KIF20B: variants seen among roughly 807,000 people sequenced by gnomAD.
KIF20B encodes kinesin family member 20B, also known as kinesin-like protein KIF20B.
A neutral mutation model predicts 232.5 loss-of-function variants in KIF20B; 188 were observed. The ratio of observed to expected loss-of-function variants is 0.81; its 90% CI spans 0.72 to 0.91. KIF20B has a LOEUF of 0.91. KIF20B is among the 40% of genes least tolerant of loss of function. KIF20B has a pLI of 0.00. For missense variants in KIF20B, 2,154 were observed against 2,055.9 expected, an observed-to-expected ratio of 1.05 and a Z score of -0.92; for synonymous variants, 712 against 683.0, an observed-to-expected ratio of 1.04 and a Z score of -0.66.
intron 18 of KIF20B, among the ~76,000 whole-genome samples, chr10:89,732,304 G>A (rs200202123): frequency 1.3e-5 from 2 of 152,128 alleles, no homozygotes; most frequent in South Asian, 2.1e-4. Context: ...TTAATTTTTT[G>A]TAGAGACGGG....
Position 89,730,113 on chromosome 10 carries a change from A to T in KIF20B, c.2391+866A>T, listed in dbSNP as rs560648118. Reference sequence around the variant, plus strand: ...GAACTTTAGATGGGCATTTGATACCACAGGGGTAAATGAGGAGCATTCTAG... The same window carrying T: ...GAACTTTAGATGGGCATTTGATACCTCAGGGGTAAATGAGGAGCATTCTAG... On this transcript the variant is annotated intron_variant, in intron 18 of 32. Coordinates refer to ENST00000371728, the MANE Select transcript of KIF20B (RefSeq NM_001284259.2). 9.2e-5 allele frequency among the ~76,000 whole-genome samples: 14 copies of T among 152,262 alleles called. No individual in the cohort carries two copies. The South Asian group carries it at 2.9e-3, about 32-fold the overall frequency.
intron 13 of KIF20B, among the ~76,000 whole-genome samples, chr10:89,720,206 T>G (rs1016011014): frequency 2.0e-5 from 3 of 152,248 alleles, no homozygotes; most frequent in African/African-American, 7.2e-5. Context: ...ATTGTGTTTC[T>G]TTAATCATTT....
chr10:89,768,342 A>G lies in KIF20B; in HGVS notation c.5042A>G (p.Lys1681Arg), dbSNP rs1373765390. ...KKNATPRTNL[K>R]FPISDDRNSS... The stretch of plus-strand genomic sequence containing the variant: ...AATGCTACACCCAGAACTAATTTGA[A>G]ATTTCCTATTTCAGATGATAGAAAT... The change falls in exon 30 of 33, where the codon AAA (lysine) becomes AGA (arginine). Residue 1681 changes from lysine (K) to arginine (R), a missense_variant. Physicochemically the swap from Lys to Arg is conservative, Grantham distance 26. Transcript: ENST00000371728. 9 of 1,594,480 alleles carry G rather than the reference A, an allele frequency of 5.6e-6. No individual in the cohort carries two copies. The highest frequency in any genetic ancestry group is 1.4e-5 in the African/African-American group (1 of 73,656).
intron 4 of KIF20B, 113 bp downstream of exon 4, chr10:89,709,574 G>T (rs1382974702): frequency 1.5e-6 from 1 of 666,916 alleles, no homozygotes; most frequent in African/African-American, 1.8e-5. Flanking sequence ...ATGCAACTTA[G>T]ATTTTAAGGA....
At chr10:89,746,717 C>T (rs1057099152) in intron 23 of KIF20B, among the ~76,000 whole-genome samples, 1 of 152,248 alleles carries the variant, frequency 6.6e-6, no homozygotes, top group African/African-American at 2.4e-5. Context: ...CTGTACCCAG[C>T]ACTTCCCTGC....
chr10:89,769,189 G>A (rs984472016), intron 31 of KIF20B, among the ~76,000 whole-genome samples: 1 of 151,916 alleles, frequency 6.6e-6, no homozygotes, highest in Non-Finnish European at 1.5e-5. Context: ...TCTGATTAGG[G>A]GGCTTTGGGA....
chr10:89,730,119 G>A (rs1036976613), intron 18 of KIF20B, among the ~76,000 whole-genome samples: 2 of 152,118 alleles, frequency 1.3e-5, no homozygotes, highest in African/African-American at 4.8e-5. Flanking sequence ...TACCACAGGG[G>A]TAAATGAGGA....
At chr10:89,764,423 A>G (rs960680628) in intron 29 of KIF20B, among the ~76,000 whole-genome samples, 8 of 152,144 alleles carry the variant, frequency 5.3e-5, no homozygotes, top group Admixed American at 2.6e-4. Flanking sequence ...GTAATGGGAT[A>G]GCTGAGTCAA....
intron 32 of KIF20B, among the ~76,000 whole-genome samples, 185 bp downstream of exon 32, chr10:89,773,016 G>A (rs887908756): frequency 6.6e-6 from 1 of 151,974 alleles, no homozygotes; most frequent in Non-Finnish European, 1.5e-5. Context: ...GTATATAAGC[G>A]TCATGCATTT....
chr10:89,754,139 T>C (rs1842075569), intron 25 of KIF20B, among the ~76,000 whole-genome samples: 1 of 150,504 alleles, frequency 6.6e-6, no homozygotes, highest in African/African-American at 2.5e-5. Flanking sequence ...CCCAGGAATA[T>C]TTTATTTTTA....
chr10:89,709,219 C>G lies in KIF20B; in HGVS notation c.200C>G (p.Pro67Arg). 1 of 1,610,622 alleles carries G rather than the reference C, an allele frequency of 6.2e-7. No homozygotes were observed. The highest frequency in any genetic ancestry group is 8.5e-7 in the Non-Finnish European group (1 of 1,177,928). The change falls in exon 3 of 33, where the codon CCA becomes CGA. Residue 67 changes from proline to arginine, a missense_variant. Coordinates refer to ENST00000371728, the MANE Select transcript of KIF20B (RefSeq NM_001284259.2). ...DYLQVCLRIR[P>R]FTQSEKELES... ...CTCCAGGTTTGTCTTCGAATAAGAC[C>G]ATTTACACAGTCAGAAAAAGAACTT...
chr10:89,772,949 C>G, intron 32 of KIF20B, 118 bp downstream of exon 32: 2 of 774,778 alleles, frequency 2.6e-6, no homozygotes, highest in Non-Finnish European at 4.0e-6. Context: ...AAAGGTCATG[C>G]TTTTAGTCTC....
At chr10:89,710,196 C>A in intron 5 of KIF20B, 131 bp downstream of exon 5, 21 of 637,304 alleles carry the variant, frequency 3.3e-5, no homozygotes, top group South Asian at 5.4e-5. Context: ...ATAGTACTAG[C>A]ATATTATTAC....
At chr10:89,716,204 C>G (rs1371473999) in intron 8 of KIF20B, among the ~76,000 whole-genome samples, 1 of 152,074 alleles carries the variant, frequency 6.6e-6, no homozygotes, top group African/African-American at 2.4e-5. Flanking sequence ...TTCCGTTTGG[C>G]AGACTCTGTT....
intron 29 of KIF20B, among the ~76,000 whole-genome samples, chr10:89,764,539 A>T (rs1038500234): frequency 6.6e-6 from 1 of 152,120 alleles, no homozygotes; most frequent in African/African-American, 2.4e-5. Context: ...CTATTTCTCC[A>T]CATCCTCTCC....
chr10:89,712,945 G>A (rs1276653800), intron 6 of KIF20B, among the ~76,000 whole-genome samples: 1 of 152,146 alleles, frequency 6.6e-6, no homozygotes, highest in African/African-American at 2.4e-5. Flanking sequence ...TACCAGTGGA[G>A]TTCAAAGTTG....
intron 15 of KIF20B, 91 bp from the exon 16 acceptor site, chr10:89,726,202 C>A: frequency 1.5e-6 from 2 of 1,318,910 alleles, no homozygotes; most frequent in African/African-American, 1.5e-5. Context: ...GAATTTTTTG[C>A]TTTTTTAAAA....
chr10:89,759,890 G>C (rs1842202214), intron 27 of KIF20B, among the ~76,000 whole-genome samples: 1 of 152,234 alleles, frequency 6.6e-6, no homozygotes. Flanking sequence ...GCTGTGATGA[G>C]GAGGTCTGTG....
chr10:89,718,441 G>A (rs1198535600), intron 11 of KIF20B, among the ~76,000 whole-genome samples: 2 of 152,186 alleles, frequency 1.3e-5, no homozygotes, highest in African/African-American at 4.8e-5. Flanking sequence ...AGCCTAAGAT[G>A]TTGAGGCTAC....
Sources: allele counts gnomAD v4.1 joint callset (sites outside exome capture counted in the v4.1 genomes callset), GRCh38; gene constraint gnomAD v4.1.1; transcripts MANE v1.5; gene names NCBI Gene and HGNC (gene_info 2026-07-23, HGNC 2026-07-21).